EDIL3: variants seen among roughly 807,000 people sequenced by gnomAD.
EDIL3 encodes the protein EGF-like repeat and discoidin I-like domain-containing protein 3.
In EDIL3, 37 loss-of-function variants were observed where a neutral mutation model predicts 67.4. The ratio of observed to expected loss-of-function variants is 0.55; its 90% CI spans 0.42 to 0.72. The LOEUF (loss-of-function observed/expected upper bound fraction) is 0.72. Ranked by LOEUF, EDIL3 falls within the 30% of genes least tolerant of loss-of-function variation. The probability of loss-of-function intolerance (pLI) is 0.00; values close to 1 mark genes in which losing one functional copy is unlikely to be tolerated. For synonymous variants in EDIL3, 195 were observed against 196.3 expected (o/e 0.99, Z 0.05); for missense variants, 527 against 586.3 (o/e 0.90, Z 1.04).
intron 1 of EDIL3, among the ~76,000 whole-genome samples, chr5:84,279,487 C>G (rs1745652950): frequency 6.6e-6 from 1 of 152,152 alleles, no homozygotes; most frequent in African/African-American, 2.4e-5. Context: ...TTGCTAAACC[C>G]AAAATAGCTG....
chr5:84,189,770 A>G (rs1463312984), intron 3 of EDIL3, among the ~76,000 whole-genome samples: 1 of 151,978 alleles, frequency 6.6e-6, no homozygotes, highest in Admixed American at 6.6e-5. Flanking sequence ...TTATCCTTCA[A>G]AACATGCTGT....
chr5:84,089,558 T>C (rs955387101), intron 6 of EDIL3, among the ~76,000 whole-genome samples: 12 of 152,330 alleles, frequency 7.9e-5, no homozygotes, highest in Admixed American at 6.5e-4. Context: ...TTCCATTAAA[T>C]TTTACTGAAA....
chr5:84,200,489 C>T (rs1038007977), intron 3 of EDIL3, among the ~76,000 whole-genome samples: 6 of 151,816 alleles, frequency 4.0e-5, no homozygotes, highest in African/African-American at 1.4e-4. Flanking sequence ...AGAATCATAA[C>T]ATACCAAAAA....
intron 9 of EDIL3, among the ~76,000 whole-genome samples, chr5:83,971,582 A>G (rs1744794586): frequency 6.6e-6 from 1 of 151,888 alleles, no homozygotes; most frequent in South Asian, 2.1e-4. Context: ...TCCGTAGAAT[A>G]TTTCCCACTT....
intron 5 of EDIL3, among the ~76,000 whole-genome samples, chr5:84,128,357 C>T (rs575787613): frequency 9.9e-5 from 15 of 152,106 alleles, no homozygotes; most frequent in East Asian, 7.7e-4. Flanking sequence ...GCGGAAATCC[C>T]GGTGGTTTGT....
chr5:84,094,396 T>C (rs1189824988), intron 6 of EDIL3, among the ~76,000 whole-genome samples: 1 of 152,196 alleles, frequency 6.6e-6, no homozygotes, highest in Non-Finnish European at 1.5e-5. Context: ...TATATTGGCA[T>C]GTAGTATTTT....
intron 3 of EDIL3, among the ~76,000 whole-genome samples, chr5:84,214,586 G>A (rs1010440094): frequency 1.3e-5 from 2 of 152,096 alleles, no homozygotes; most frequent in African/African-American, 4.8e-5. Context: ...AGAGTTGCCT[G>A]TAATTTACAG....
At chr5:84,020,868 T>C (rs1277559581) in intron 9 of EDIL3, among the ~76,000 whole-genome samples, 1 of 152,040 alleles carries the variant, frequency 6.6e-6, no homozygotes, top group Admixed American at 6.6e-5. Flanking sequence ...CACATACATA[T>C]ACCAACAGTT....
chr5:83,977,080 A>C (rs1429761821), intron 9 of EDIL3, among the ~76,000 whole-genome samples: 1 of 151,722 alleles, frequency 6.6e-6, no homozygotes, highest in East Asian at 1.9e-4. Flanking sequence ...AGATACTCAA[A>C]ATTTTTACTT....
intron 9 of EDIL3, among the ~76,000 whole-genome samples, chr5:83,983,927 T>G (rs890708277): frequency 1.2e-4 from 19 of 152,046 alleles, no homozygotes; most frequent in African/African-American, 3.6e-4. Flanking sequence ...TGATGCCAAT[T>G]TGCCAAGTAA....
At chr5:84,080,183 C>T (rs911398703) in intron 6 of EDIL3, among the ~76,000 whole-genome samples, 7 of 140,794 alleles carry the variant, frequency 5.0e-5, no homozygotes, top group Non-Finnish European at 9.1e-5. Flanking sequence ...GTAGTCCCAG[C>T]TACTCGGTGG....
chr5:84,162,530 T>C (rs1748631981), intron 4 of EDIL3, among the ~76,000 whole-genome samples: 1 of 152,066 alleles, frequency 6.6e-6, no homozygotes. Context: ...GCTCTTTTTT[T>C]CCTGGGACAA....
At chr5:84,279,402 T>C (rs1745651684) in intron 1 of EDIL3, among the ~76,000 whole-genome samples, 1 of 152,188 alleles carries the variant, frequency 6.6e-6, no homozygotes, top group Non-Finnish European at 1.5e-5. Context: ...TTAGCATAAA[T>C]ACTGTAATCT....
intron 5 of EDIL3, among the ~76,000 whole-genome samples, chr5:84,117,020 ATTTTTTTTTTT>A (rs34997139): frequency 1.2e-4 from 10 of 83,242 alleles, no homozygotes; most frequent in Middle Eastern, 0.014. Context: ...TTAAGTACTT[ATTTTTTTTTTT>A]TTTTTTTTTT....
chr5:84,008,970 A>G (rs1745472615), intron 9 of EDIL3, among the ~76,000 whole-genome samples: 1 of 152,044 alleles, frequency 6.6e-6, no homozygotes, highest in South Asian at 2.1e-4. Flanking sequence ...GCACCACCAC[A>G]TCTGGCTAAT....
At chr5:84,233,550 A>G (rs1744623530) in intron 2 of EDIL3, among the ~76,000 whole-genome samples, 1 of 152,198 alleles carries the variant, frequency 6.6e-6, no homozygotes, top group Admixed American at 6.5e-5. Context: ...GGGTATCTAT[A>G]TCAATGCTTT....
chr5:84,220,793 A>G (rs1218544841), intron 3 of EDIL3, among the ~76,000 whole-genome samples: 1 of 152,216 alleles, frequency 6.6e-6, no homozygotes, highest in Admixed American at 6.5e-5. Context: ...AAGTCTGTCC[A>G]GCCAGAGTGA....
chr5:84,372,180 G>A (rs879757364), intron 1 of EDIL3, among the ~76,000 whole-genome samples: 4 of 151,990 alleles, frequency 2.6e-5, no homozygotes, highest in Admixed American at 6.6e-5. Context: ...CTACTTGGAC[G>A]GATTCCAAAT....
At chr5:84,357,844 T>C (rs546562705) in intron 1 of EDIL3, among the ~76,000 whole-genome samples, 60 of 140,184 alleles carry the variant, frequency 4.3e-4, no homozygotes, top group Admixed American at 1.7e-3. Flanking sequence ...GCTGAGATTG[T>C]GCCACTGCAC....
Sources: gnomAD v4.1 joint callset for allele counts (sites outside exome capture counted in the v4.1 genomes callset) on GRCh38, gnomAD v4.1.1 for gene constraint, MANE v1.5 for transcripts, NCBI Gene and HGNC (gene_info 2026-07-23, HGNC 2026-07-21) for gene names.